Variants in ABLIM3 observed in about 807,000 individuals in gnomAD.
The protein encoded by ABLIM3 is actin binding LIM protein family member 3.
A neutral mutation model predicts 109.5 loss-of-function variants in ABLIM3; 61 were observed. The observed-to-expected ratio is 0.56, with a 90% CI of 0.45 to 0.69. The LOEUF (loss-of-function observed/expected upper bound fraction) is 0.69. Among genes scored for constraint, ABLIM3 ranks in the 30% least tolerant of loss-of-function variants. ABLIM3 has a pLI of 0.00. For synonymous variants in ABLIM3, 300 were observed against 324.8 expected (o/e 0.92, Z 0.82); for missense variants, 796 against 889.5 (o/e 0.89, Z 1.34).
chr5:149,235,264 G>T (rs1282949453), intron 10 of ABLIM3, among the ~76,000 whole-genome samples: 1 of 152,172 alleles, frequency 6.6e-6, no homozygotes, highest in African/African-American at 2.4e-5. Flanking sequence ...CATCTGCTTT[G>T]GATAGATGCA....
At chr5:149,153,494 G>A (rs1284055361) in intron 2 of ABLIM3, among the ~76,000 whole-genome samples, 1 of 152,222 alleles carries the variant, frequency 6.6e-6, no homozygotes, top group African/African-American at 2.4e-5. Flanking sequence ...AGAGGCAACT[G>A]AGCAGTACGG....
At chr5:149,197,018 C>T (rs1308160793) in intron 3 of ABLIM3, among the ~76,000 whole-genome samples, 1 of 152,180 alleles carries the variant, frequency 6.6e-6, no homozygotes, top group African/African-American at 2.4e-5. Flanking sequence ...GTTCAAAAGC[C>T]ATCGATGCAA....
intron 2 of ABLIM3, among the ~76,000 whole-genome samples, chr5:149,169,632 T>G (rs997666177): frequency 1.3e-5 from 2 of 152,052 alleles, no homozygotes; most frequent in African/African-American, 4.8e-5. Flanking sequence ...TAAACAAAAA[T>G]TGGTTCCTCC....
At chr5:149,253,303 A>G (rs1303647938) in intron 23 of ABLIM3, among the ~76,000 whole-genome samples, 1 of 152,188 alleles carries the variant, frequency 6.6e-6, no homozygotes, top group Non-Finnish European at 1.5e-5. Flanking sequence ...TGTGGAAGGA[A>G]AAAAAGCATA....
intron 2 of ABLIM3, among the ~76,000 whole-genome samples, chr5:149,178,934 T>C (rs1205114968): frequency 2.0e-5 from 3 of 151,988 alleles, no homozygotes; most frequent in African/African-American, 7.3e-5. Flanking sequence ...ATTAGAACAG[T>C]AGGTAACAGC....
chr5:149,213,003 G>A (rs1247490698), intron 7 of ABLIM3, among the ~76,000 whole-genome samples: 1 of 152,174 alleles, frequency 6.6e-6, no homozygotes, highest in Admixed American at 6.5e-5. Flanking sequence ...GTGCACGCTT[G>A]TAGTCCTAGC....
chr5:149,143,699 A>G (rs1369472157), intron 2 of ABLIM3, among the ~76,000 whole-genome samples: 1 of 152,206 alleles, frequency 6.6e-6, no homozygotes, highest in Non-Finnish European at 1.5e-5. Context: ...CTTACAGCCA[A>G]AGAATTTTGC....
At chr5:149,239,148 C>T in intron 11 of ABLIM3, 100 bp from the exon 12 acceptor site, 3 of 1,205,304 alleles carry the variant, frequency 2.5e-6, no homozygotes, top group East Asian at 2.3e-5. Flanking sequence ...GCTGCAAACC[C>T]TCTCTGCCGA....
chr5:149,243,159 A>G (rs1449835815), intron 15 of ABLIM3, among the ~76,000 whole-genome samples: 1 of 152,182 alleles, frequency 6.6e-6, no homozygotes, highest in East Asian at 1.9e-4. Flanking sequence ...TGCACCTGAG[A>G]GACATTTAAA....
intron 5 of ABLIM3, among the ~76,000 whole-genome samples, chr5:149,204,247 G>A (rs1758758114): frequency 6.6e-6 from 1 of 152,190 alleles, no homozygotes; most frequent in Admixed American, 6.5e-5. Flanking sequence ...CATTCTGCCA[G>A]CTGAAGATTG....
intron 2 of ABLIM3, among the ~76,000 whole-genome samples, chr5:149,160,942 T>A (rs1423962583): frequency 6.6e-6 from 1 of 152,216 alleles, no homozygotes; most frequent in Non-Finnish European, 1.5e-5. Context: ...CGTGTTCATA[T>A]CATCTTATTC....
At chr5:149,228,107 A>G (rs1561610641) in intron 8 of ABLIM3, among the ~76,000 whole-genome samples, 1 of 152,214 alleles carries the variant, frequency 6.6e-6, no homozygotes, top group Non-Finnish European at 1.5e-5. Context: ...ACTGCTGAGC[A>G]TTTATATACC....
At chr5:149,206,887 C>G (rs112707845) in intron 5 of ABLIM3, 121 bp from the exon 6 acceptor site, 4 of 930,072 alleles carry the variant, frequency 4.3e-6, no homozygotes, top group Non-Finnish European at 5.6e-6. Context: ...CTTCCAGTGT[C>G]AGGTGGGAGC....
intron 2 of ABLIM3, among the ~76,000 whole-genome samples, chr5:149,169,086 C>T (rs73798013): frequency 3.2e-5 from 4 of 125,474 alleles, no homozygotes; most frequent in South Asian, 7.4e-4. Context: ...TGCTGTAGGA[C>T]CCCCCCACCC....
chr5:149,203,720 C>G (rs1371229010), intron 5 of ABLIM3, among the ~76,000 whole-genome samples: 1 of 152,200 alleles, frequency 6.6e-6, no homozygotes, highest in East Asian at 1.9e-4. Flanking sequence ...TTACCACCAT[C>G]ATCACTGTCA....
intron 3 of ABLIM3, among the ~76,000 whole-genome samples, chr5:149,190,105 A>G (rs1207947469): frequency 6.6e-6 from 1 of 152,232 alleles, no homozygotes; most frequent in African/African-American, 2.4e-5. Context: ...AAACAGTCAC[A>G]AAAGGCTACA....
At chr5:149,227,640 AG>A (rs1388793434) in intron 8 of ABLIM3, among the ~76,000 whole-genome samples, 1 of 152,154 alleles carries the variant, frequency 6.6e-6, no homozygotes. Flanking sequence ...TGGCTTCTGC[AG>A]GGGGGCCCAG....
chr5:149,241,660 G>A (rs1268861684), intron 14 of ABLIM3, among the ~76,000 whole-genome samples: 2 of 152,230 alleles, frequency 1.3e-5, no homozygotes, highest in Admixed American at 6.5e-5. Flanking sequence ...TCAGGAGGCT[G>A]AGGCAGGAGA....
At chr5:149,150,172 C>T (rs901442955) in intron 2 of ABLIM3, among the ~76,000 whole-genome samples, 1 of 152,116 alleles carries the variant, frequency 6.6e-6, no homozygotes, top group African/African-American at 2.4e-5. Context: ...GCAGGCAGAA[C>T]GGATCTGGAG....
Sources: gnomAD v4.1 joint callset for allele counts (sites outside exome capture counted in the v4.1 genomes callset) on GRCh38, gnomAD v4.1.1 for gene constraint, MANE v1.5 for transcripts, NCBI Gene and HGNC (gene_info 2026-07-23, HGNC 2026-07-21) for gene names.